TRPS1: variants seen among roughly 807,000 people sequenced by gnomAD.
TRPS1 encodes the protein zinc finger transcription factor Trps1.
In TRPS1, 6 loss-of-function variants were observed where a neutral mutation model predicts 101.2. The observed-to-expected ratio is 0.06, with a 90% CI of 0.03 to 0.12. The LOEUF (loss-of-function observed/expected upper bound fraction) is 0.12, where lower values mean the gene tolerates loss of function less well. Ranked by LOEUF, TRPS1 falls within the 10% of genes least tolerant of loss-of-function variation. TRPS1 has a pLI of 1.00. For synonymous variants in TRPS1, 578 were observed against 589.8 expected, an observed-to-expected ratio of 0.98 and a Z score of 0.29; for missense variants, 1,363 against 1,567.0, an observed-to-expected ratio of 0.87 and a Z score of 2.20.
At chr8:115,552,087 C>T (rs189502814) in intron 5 of TRPS1, among the ~76,000 whole-genome samples, 2 of 152,306 alleles carry the variant, frequency 1.3e-5, no homozygotes, top group African/African-American at 4.8e-5. Flanking sequence ...TGTTCAATTA[C>T]TCAGGTTGTA....
chr8:115,592,773 G>T (rs1360607034), intron 4 of TRPS1, among the ~76,000 whole-genome samples: 1 of 152,020 alleles, frequency 6.6e-6, no homozygotes, highest in African/African-American at 2.4e-5. Flanking sequence ...GGAAGAATAG[G>T]GTAGAATCTA....
intron 5 of TRPS1, among the ~76,000 whole-genome samples, chr8:115,551,617 T>C (rs1324568484): frequency 2.0e-5 from 3 of 152,294 alleles, no homozygotes; most frequent in Non-Finnish European, 2.9e-5. Context: ...ATTTTGATTA[T>C]TATGATGCTT....
intron 5 of TRPS1, among the ~76,000 whole-genome samples, chr8:115,498,734 A>G (rs530895338): frequency 6.6e-6 from 1 of 152,208 alleles, no homozygotes; most frequent in African/African-American, 2.4e-5. Context: ...TTCATCCTGC[A>G]TATTTCTTTG....
At chr8:115,648,589 A>G (rs1288372844) in intron 1 of TRPS1, among the ~76,000 whole-genome samples, 1 of 152,220 alleles carries the variant, frequency 6.6e-6, no homozygotes, top group East Asian at 1.9e-4. Context: ...ATCCGTGAAA[A>G]GAAAATGGAA....
intron 3 of TRPS1, among the ~76,000 whole-genome samples, chr8:115,616,525 C>CT (rs58999466): frequency 0.045 from 6,269 of 138,270 alleles, 371 homozygotes; most frequent in African/African-American, 0.14. Flanking sequence ...GCTTCTGTTA[C>CT]TTTTTTTTTT....
At chr8:115,443,079 G>C (rs1563734740) in intron 5 of TRPS1, among the ~76,000 whole-genome samples, 1 of 151,718 alleles carries the variant, frequency 6.6e-6, no homozygotes, top group Non-Finnish European at 1.5e-5. Context: ...CTGTGTGACA[G>C]AGCGAGACTC....
chr8:115,464,150 C>T (rs1326156253), intron 5 of TRPS1, among the ~76,000 whole-genome samples: 1 of 151,928 alleles, frequency 6.6e-6, no homozygotes, highest in African/African-American at 2.4e-5. Flanking sequence ...AATTAATTTC[C>T]AATAAATAAA....
At chr8:115,570,342 TA>T (rs1251887686) in intron 5 of TRPS1, among the ~76,000 whole-genome samples, 1 of 151,950 alleles carries the variant, frequency 6.6e-6, no homozygotes, top group East Asian at 1.9e-4. Flanking sequence ...ATCTTAATGG[TA>T]GAAAATTTAC....
chr8:115,542,507 C>T (rs1309239217), intron 5 of TRPS1, among the ~76,000 whole-genome samples: 4 of 151,754 alleles, frequency 2.6e-5, no homozygotes, highest in South Asian at 2.1e-4. Flanking sequence ...AAAGGAAAAA[C>T]GCCAGAGTCC....
At chr8:115,632,937 T>C (rs146896432) in intron 1 of TRPS1, among the ~76,000 whole-genome samples, 5 of 152,274 alleles carry the variant, frequency 3.3e-5, no homozygotes, top group East Asian at 3.9e-4. Flanking sequence ...TAATAATTCA[T>C]TGAGCTACAG....
chr8:115,415,177 G>A, intron 6 of TRPS1, 93 bp from the exon 7 acceptor site: 1 of 1,325,592 alleles, frequency 7.5e-7, no homozygotes, highest in East Asian at 2.4e-5. Context: ...CCATGCTTAA[G>A]TTCAAAGCAG....
At chr8:115,657,450 A>T (rs1811700664) in intron 1 of TRPS1, among the ~76,000 whole-genome samples, 1 of 152,140 alleles carries the variant, frequency 6.6e-6, no homozygotes, top group African/African-American at 2.4e-5. Flanking sequence ...GAAGCCTGTG[A>T]CTGATGTTAT....
chr8:115,667,861 T>G lies in TRPS1; in HGVS notation c.-122+684A>C, dbSNP rs889099961. On this transcript the variant is annotated intron_variant, in intron 1 of 6. Transcript: ENST00000395715. ...TGAGACCCTCCCGACCCTCCCGAGT[T>G]CGCCCAACTTACTACTCTGCATGCT... is the stretch of plus-strand genomic sequence containing the variant. The G allele has an allele frequency of 2.0e-5, 31 of 1,535,374 alleles. No homozygotes were observed. The Admixed American group carries it at 6.1e-4, about 30-fold the overall frequency.
intron 5 of TRPS1, among the ~76,000 whole-genome samples, chr8:115,490,448 G>GT (rs1818271459): frequency 6.6e-6 from 1 of 152,108 alleles, no homozygotes; most frequent in Non-Finnish European, 1.5e-5. Flanking sequence ...TGTAATACAT[G>GT]TAATTTTGCA....
chr8:115,629,169 A>G (rs939182341), intron 1 of TRPS1, among the ~76,000 whole-genome samples: 10 of 151,894 alleles, frequency 6.6e-5, no homozygotes, highest in African/African-American at 2.2e-4. Flanking sequence ...CAAAAAACAA[A>G]AAAAACCAGT....
At chr8:115,573,750 G>A in intron 5 of TRPS1, among the ~76,000 whole-genome samples, 1 of 152,126 alleles carries the variant, frequency 6.6e-6, no homozygotes, top group East Asian at 1.9e-4. Context: ...TAACCTTTAT[G>A]TCAAGTCTTA....
intron 2 of TRPS1, among the ~76,000 whole-genome samples, chr8:115,621,213 G>C (rs931154093): frequency 6.6e-6 from 1 of 152,200 alleles, no homozygotes; most frequent in African/African-American, 2.4e-5. Context: ...CGTGGCTGCT[G>C]TTTCTTAATC....
intron 4 of TRPS1, among the ~76,000 whole-genome samples, chr8:115,589,230 T>C (rs768184327): frequency 1.3e-5 from 2 of 152,152 alleles, no homozygotes; most frequent in Non-Finnish European, 2.9e-5. Flanking sequence ...TTGTAGGTCA[T>C]GGTAGGGACA....
At chr8:115,556,296 T>C (rs16887536) in intron 5 of TRPS1, among the ~76,000 whole-genome samples, 1,676 of 152,238 alleles carry the variant, frequency 0.011, 30 homozygotes, top group African/African-American at 0.039. Flanking sequence ...ATAATATGCC[T>C]GAATGGCTGC....
Sources: gnomAD v4.1 joint callset for allele counts (sites outside exome capture counted in the v4.1 genomes callset) on GRCh38, gnomAD v4.1.1 for gene constraint, MANE v1.5 for transcripts, NCBI Gene and HGNC (gene_info 2026-07-23, HGNC 2026-07-21) for gene names.